INF2: variants seen among roughly 807,000 people sequenced by gnomAD.
INF2 encodes inverted formin 2.
A neutral mutation model predicts 123.5 loss-of-function variants in INF2; 43 were observed. The ratio of observed to expected loss-of-function variants is 0.35; its 90% CI spans 0.27 to 0.45. The LOEUF is 0.45. Ranked by LOEUF, INF2 falls within the 20% of genes least tolerant of loss-of-function variation. INF2 has a pLI of 1.00. For missense variants in INF2, 1,453 were observed against 1,682.7 expected (o/e 0.86, Z 2.39); for synonymous variants, 851 against 745.0 (o/e 1.14, Z -2.32).
In INF2 at chr14:104,699,680, C is replaced by T; in HGVS notation, c.-9-1677C>T. The T allele has an allele frequency of 1.3e-6, 1 of 770,824 alleles. No individual in the cohort carries two copies. Among genetic ancestry groups the T allele is most frequent in the Non-Finnish European group, 1.6e-6 (1 of 634,210 alleles). 47.7% of individuals were successfully genotyped at this position (770,824 alleles called of 1,614,324 possible). ...ACCACAGTGCACCGGGGGCTCCGGG[C>T]TCTCCGTTCTACAGTGCCCAGACCA... is the stretch of plus-strand genomic sequence containing the variant. On this transcript the variant is annotated intron_variant, in intron 1 of 22. Transcript: ENST00000392634. The surrounding 1 kb of genome is among the most constrained non-coding windows in gnomAD (Gnocchi z 4.7).
intron 13 of INF2, chr14:104,710,603 T>G (rs1180203779): frequency 2.0e-6 from 1 of 506,102 alleles, no homozygotes; most frequent in Admixed American, 3.4e-5. Flanking sequence ...ACACACACCC[T>G]CACATACATG....
At chr14:104,687,467 C>A (rs1888692335), upstream of INF2, among the ~76,000 whole-genome samples, 1 of 145,410 alleles carries the variant, frequency 6.9e-6, no homozygotes, top group African/African-American at 2.5e-5. The surrounding 1 kb of genome is among the most constrained non-coding windows in gnomAD (Gnocchi z 5.6). Context: ...ACTCCACACA[C>A]ACACACACAC....
chr14:104,682,819 CG>C (rs1566767661), intron 1 of INF2, among the ~76,000 whole-genome samples: 2 of 152,140 alleles, frequency 1.3e-5, no homozygotes, highest in Admixed American at 6.5e-5. Flanking sequence ...ACGTCCCCCC[CG>C]GACAAGTCTA....
chr14:104,711,346 C>A (rs1052369570), intron 15 of INF2, among the ~76,000 whole-genome samples, 160 bp downstream of exon 15: 1 of 152,160 alleles, frequency 6.6e-6, no homozygotes, highest in Admixed American at 6.5e-5. Flanking sequence ...AGAGCCACGC[C>A]CCCACCCCTC....
chr14:104,700,342 G>A (rs1159487242), intron 1 of INF2, among the ~76,000 whole-genome samples: 1 of 152,192 alleles, frequency 6.6e-6, no homozygotes, highest in Non-Finnish European at 1.5e-5. Flanking sequence ...GTGGGAAGCC[G>A]AGGGCCAGGG....
chr14:104,703,874 G>A, intron 4 of INF2, 42 bp from the exon 5 acceptor site: 2 of 1,610,352 alleles, frequency 1.2e-6, no homozygotes, highest in East Asian at 2.2e-5. Context: ...GGAAGGCGGG[G>A]AGTGGCCTCC....
chr14:104,711,551 C>A, intron 15 of INF2, 78 bp from the exon 16 acceptor site: 1 of 1,285,974 alleles, frequency 7.8e-7, no homozygotes, highest in Non-Finnish European at 1.1e-6. Context: ...AGGGTTAGAG[C>A]TGGGGGAGTG....
upstream of INF2, chr14:104,689,590 T>TACCCCC: frequency 1.1e-5 from 7 of 646,934 alleles, no homozygotes; most frequent in Non-Finnish European, 1.3e-5. Flanking sequence ...CTCCTCTTCC[T>TACCCCC]CCCGCCCGCC....
intron 10 of INF2, 38 bp downstream of exon 10, chr14:104,708,770 G>C (rs867158009): frequency 1.2e-6 from 2 of 1,603,524 alleles, no homozygotes; most frequent in Non-Finnish European, 1.7e-6. Context: ...AGGCCACGGA[G>C]CCTCGCCTCC....
intron 1 of INF2, among the ~76,000 whole-genome samples, chr14:104,692,174 G>A (rs1458544687): frequency 1.3e-5 from 2 of 152,174 alleles, no homozygotes; most frequent in Non-Finnish European, 2.9e-5. Flanking sequence ...AGGAGGAAAG[G>A]AATGAGCCAG....
chr14:104,708,399 C>A lies in INF2; in HGVS notation c.1736-37C>A, dbSNP rs780127636. ...CCTGCTGGATCGCCAGGCCCCGGGG[C>A]TGCGAGAGCCTCACTGGCCGTGTCC... On this transcript the variant is annotated intron_variant, in intron 8 of 22. Transcript: ENST00000392634. The A allele has an allele frequency of 5.0e-6, 8 of 1,605,274 alleles. No homozygotes were observed. In the African/African-American group the frequency reaches 1.1e-4, roughly 21 times the overall value.
At position 104,707,662 on chromosome 14, in the gene INF2, C is replaced by G; in HGVS notation, c.1395C>G (p.Gly465=). The part of the protein sequence containing the change: ...PTAPPPPPLP[G]LGAMAPPAPP... The stretch of plus-strand genomic sequence containing the variant: ...CACCCCCGCCCCCACCCCTGCCAGG[C>G]CTGGGGGCCATGGCCCCCCCAGCAC... The change falls in exon 8 of 23, where the codon GGC becomes GGG. Residue 465 remains glycine, a synonymous_variant. Transcript: ENST00000392634. 2 of 974,834 alleles carry G rather than the reference C, an allele frequency of 2.1e-6. No homozygotes were observed. The highest frequency in any genetic ancestry group is 3.0e-6 in the Non-Finnish European group (2 of 661,254). The allele number at this position is 974,834 out of a possible 1,614,324, so 60.4% of individuals were successfully genotyped here.
Position 104,714,580 on chromosome 14 carries a change from G to A in INF2, c.3418G>A (p.Val1140Ile), listed in dbSNP as rs199640596. The change falls in exon 21 of 23, where the codon GTC becomes ATC. Residue 1140 changes from valine (V) to isoleucine (I), a missense_variant. Physicochemically the swap from Val to Ile is conservative, Grantham distance 29. Coordinates refer to ENST00000392634, the MANE Select transcript of INF2 (RefSeq NM_022489.4). Reference protein sequence around the residue: ...DAKDPTSLLGVLQAEADSTSE... With the variant: ...DAKDPTSLLGILQAEADSTSE... ...CAAGGATCCCACGTCCTTGCTGGGCGTCCTCCAGGCCGAGGCCGACAGCAC... is the reference window on the plus strand; with the variant it reads ...CAAGGATCCCACGTCCTTGCTGGGCATCCTCCAGGCCGAGGCCGACAGCAC... The A allele has an allele frequency of 3.5e-5, 57 of 1,612,610 alleles. No individual in the cohort carries two copies. In the East Asian group the frequency reaches 7.4e-4, roughly 21 times the overall value.
chr14:104,682,641 C>T (rs1211411800), intron 1 of INF2, among the ~76,000 whole-genome samples: 4 of 152,144 alleles, frequency 2.6e-5, no homozygotes, highest in Non-Finnish European at 5.9e-5. Context: ...CTGCAGGTCC[C>T]ATCCAGGTGG....
chr14:104,715,618 G>T, intron 22 of INF2: 1 of 594,164 alleles, frequency 1.7e-6, no homozygotes, highest in East Asian at 2.9e-5. Context: ...CAGGTGGCAG[G>T]GCCAGCCGGA....
chr14:104,708,569 C>G lies in INF2; in HGVS notation c.1869C>G (p.Ala623=). The change falls in exon 9 of 23, where the codon GCC becomes GCG. Residue 623 remains alanine (A), a synonymous_variant. Coordinates refer to ENST00000392634, the MANE Select transcript of INF2 (RefSeq NM_022489.4). ...AGCCCACCATGGTGGCCCCCCGGGC[C>G]AGGAAGGAGCCCAAGGAGGTGGGGA... ...PKEPTMVAPR[A]RKEPKEITFL... 6.2e-7 allele frequency: 1 copy of G among 1,612,526 alleles called. No homozygotes were observed.
chr14:104,692,590 G>C (rs1389862362), intron 1 of INF2, among the ~76,000 whole-genome samples: 1 of 152,244 alleles, frequency 6.6e-6, no homozygotes, highest in Non-Finnish European at 1.5e-5. Flanking sequence ...AAACTCGGGG[G>C]TTGGTGGGGC....
At chr14:104,700,362 C>T (rs900000105) in intron 1 of INF2, among the ~76,000 whole-genome samples, 8 of 152,158 alleles carry the variant, frequency 5.3e-5, no homozygotes, top group Admixed American at 1.3e-4. Flanking sequence ...GTGGAGAGTG[C>T]TGGGCCGGGG....
intron 6 of INF2, 54 bp from the exon 7 acceptor site, chr14:104,706,856 A>C (rs1889801374): frequency 1.9e-6 from 3 of 1,588,960 alleles, no homozygotes; most frequent in Non-Finnish European, 2.6e-6. Flanking sequence ...CACAGTCCTT[A>C]GTCCACCAGG....
Sources: gnomAD v4.1 joint callset for allele counts (sites outside exome capture counted in the v4.1 genomes callset) on GRCh38, gnomAD v4.1.1 for gene constraint, Gnocchi (gnomAD v3.1) non-coding constraint, MANE v1.5 for transcripts, NCBI Gene and HGNC (gene_info 2026-07-23, HGNC 2026-07-21) for gene names.